PDZRN3: variants seen among roughly 807,000 people sequenced by gnomAD.
The protein encoded by PDZRN3 is E3 ubiquitin-protein ligase PDZRN3.
In PDZRN3, 38 loss-of-function variants were observed where a neutral mutation model predicts 85.7. The ratio of observed to expected loss-of-function variants is 0.44; its 90% CI spans 0.34 to 0.58. PDZRN3 has a LOEUF of 0.58. Among genes scored for constraint, PDZRN3 ranks in the 20% least tolerant of loss-of-function variants. The pLI, the probability that PDZRN3 is intolerant of heterozygous loss-of-function variation, is 0.01. For synonymous variants in PDZRN3, 759 were observed against 638.0 expected (o/e 1.19, Z -2.86); for missense variants, 1,629 against 1,506.4 (o/e 1.08, Z -1.35).
In PDZRN3 at chr3:73,387,962, A is replaced by G; in HGVS notation, c.1518+6T>C. 2 of 1,444,598 alleles carry G rather than the reference A, an allele frequency of 1.4e-6. No individual in the cohort carries two copies. The highest frequency in any genetic ancestry group is 9.6e-7 in the Non-Finnish European group (1 of 1,041,532). 89.5% of individuals were successfully genotyped at this position (1,444,598 alleles called of 1,614,324 possible). A position where few individuals can be genotyped will look rare whatever the true frequency, so the allele number is the denominator to read the frequency against. On this transcript the variant is annotated splice_donor_region_variant and intron_variant, in intron 8 of 9. Coordinates refer to ENST00000263666, the MANE Select transcript of PDZRN3 (RefSeq NM_015009.3). ...ACCCAGTTTCATCTGTAGGAAGCCA[A>G]TTTACCTGGAGTTCAGGCCTTGCAA...
chr3:73,385,000 T>C (rs1399288376), intron 9 of PDZRN3, 70 bp from the exon 10 acceptor site: 18 of 1,515,178 alleles, frequency 1.2e-5, no homozygotes, highest in Non-Finnish European at 1.6e-5. Context: ...GTTTGACCTT[T>C]CCTTGCGGTT....
At chr3:73,478,608 C>G (rs1703503773) in intron 3 of PDZRN3, among the ~76,000 whole-genome samples, 1 of 151,860 alleles carries the variant, frequency 6.6e-6, no homozygotes, top group Non-Finnish European at 1.5e-5. Flanking sequence ...ATGTAAGAGG[C>G]TTGAATCATT....
intron 3 of PDZRN3, among the ~76,000 whole-genome samples, chr3:73,483,802 G>A (rs549655496): frequency 2.0e-5 from 3 of 152,302 alleles, no homozygotes; most frequent in South Asian, 2.1e-4. Context: ...TCTGGCTGAC[G>A]TTTGGGTTGG....
intron 1 of PDZRN3, among the ~76,000 whole-genome samples, chr3:73,613,235 G>A (rs895560049): frequency 1.3e-5 from 2 of 152,256 alleles, no homozygotes; most frequent in East Asian, 1.9e-4. Flanking sequence ...GAAGGAAGAC[G>A]AGGGGAGCAG....
At chr3:73,592,953 C>G (rs1015756745) in intron 3 of PDZRN3, among the ~76,000 whole-genome samples, 1 of 152,114 alleles carries the variant, frequency 6.6e-6, no homozygotes, top group African/African-American at 2.4e-5. Context: ...TTGAAGCGTT[C>G]CCCTAGCGCT....
intron 3 of PDZRN3, among the ~76,000 whole-genome samples, chr3:73,429,332 GA>G (rs1702383758): frequency 6.6e-6 from 1 of 152,192 alleles, no homozygotes; most frequent in Non-Finnish European, 1.5e-5. Context: ...CTACTTGCAG[GA>G]AAATTTTGCC....
intron 3 of PDZRN3, among the ~76,000 whole-genome samples, chr3:73,580,320 T>C (rs1220112274): frequency 6.6e-6 from 1 of 152,178 alleles, no homozygotes; most frequent in Non-Finnish European, 1.5e-5. Context: ...GATCCATAAC[T>C]TTCCTCAGAT....
intron 3 of PDZRN3, among the ~76,000 whole-genome samples, chr3:73,579,183 C>T (rs2106863994): frequency 6.6e-6 from 1 of 152,228 alleles, no homozygotes; most frequent in Admixed American, 6.5e-5. Context: ...AGCTCCCTTG[C>T]CCCTTTCACC....
At chr3:73,616,353 A>G (rs57764732) in intron 1 of PDZRN3, among the ~76,000 whole-genome samples, 313 of 152,342 alleles carry the variant, frequency 2.1e-3, no homozygotes, top group African/African-American at 7.2e-3. Flanking sequence ...CTAAAAAACC[A>G]TAAGTGCACT....
intron 3 of PDZRN3, among the ~76,000 whole-genome samples, chr3:73,538,079 A>C (rs1009004002): frequency 6.6e-6 from 1 of 152,200 alleles, no homozygotes; most frequent in Non-Finnish European, 1.5e-5. Flanking sequence ...CATAGACTCC[A>C]TGGAGCACAT....
At chr3:73,561,085 T>C (rs142078921) in intron 3 of PDZRN3, among the ~76,000 whole-genome samples, 10 of 152,348 alleles carry the variant, frequency 6.6e-5, no homozygotes, top group African/African-American at 2.4e-4. Flanking sequence ...CAATAAACTT[T>C]ACACACATGA....
rs1037375107 is a variant in PDZRN3, at chr3:73,384,592, G to A, written c.1974C>T (p.Ser658=). The A allele has an allele frequency of 3.7e-6, 6 of 1,613,754 alleles. No homozygotes were observed. Among genetic ancestry groups the A allele is most frequent in the African/African-American group, 1.3e-5 (1 of 75,064 alleles). The part of the protein sequence containing the change: ...ELLELKCQVK[S]ATPYGLYYPS... The stretch of plus-strand genomic sequence containing the variant: ...GGTAGTACAGGCCGTAAGGGGTGGC[G>A]CTCTTCACCTGGCACTTGAGCTCCA... Residue 658 remains serine, a synonymous_variant, in exon 10 of 10, where the codon AGC becomes AGT. Transcript: ENST00000263666.
intron 3 of PDZRN3, among the ~76,000 whole-genome samples, chr3:73,574,771 C>A (rs1222368786): frequency 6.6e-6 from 1 of 152,202 alleles, no homozygotes; most frequent in Admixed American, 6.6e-5. Flanking sequence ...GGGCAGAAAC[C>A]AGTATCGACT....
At chr3:73,408,597 G>C (rs970185427) in intron 3 of PDZRN3, among the ~76,000 whole-genome samples, 11 of 151,504 alleles carry the variant, frequency 7.3e-5, no homozygotes, top group Admixed American at 3.3e-4. Flanking sequence ...GAGGGGGGGG[G>C]GTGCAACAGA....
At chr3:73,404,050 C>T (rs2291464) in intron 4 of PDZRN3, 98 bp downstream of exon 4, 710,198 of 1,222,104 alleles carry the variant, frequency 0.58, 209,877 homozygotes, top group East Asian at 0.86. Flanking sequence ...TGGAGGAAAA[C>T]TATAGGGTGC....
chr3:73,409,312 A>C (rs899110451), intron 3 of PDZRN3, among the ~76,000 whole-genome samples: 1 of 152,182 alleles, frequency 6.6e-6, no homozygotes, highest in African/African-American at 2.4e-5. Context: ...TTTGGGCCGG[A>C]ATAACATTGC....
Position 73,526,951 on chromosome 3 carries a change from C to T in PDZRN3, c.918+75403G>A, listed in dbSNP as rs867020746. 5.3e-5 allele frequency among the ~76,000 whole-genome samples: 8 copies of T among 152,208 alleles called. No homozygotes were observed. In the East Asian group the frequency reaches 1.2e-3, roughly 22 times the overall value. On this transcript the variant is annotated intron_variant, in intron 3 of 9. Coordinates refer to ENST00000263666, the MANE Select transcript of PDZRN3 (RefSeq NM_015009.3). ...GCAACCTCCGCCTCCTGGGTTCAAG[C>T]GGCTCTCCTGCCTCAGCCTCCTGGG...
chr3:73,502,332 A>G (rs1411310441), intron 3 of PDZRN3, among the ~76,000 whole-genome samples: 1 of 152,208 alleles, frequency 6.6e-6, no homozygotes. Context: ...GTTGCAGTCA[A>G]AATGATAGGT....
intron 3 of PDZRN3, among the ~76,000 whole-genome samples, chr3:73,442,559 G>A (rs939148229): frequency 1.3e-5 from 2 of 152,174 alleles, no homozygotes; most frequent in African/African-American, 2.4e-5. Flanking sequence ...ACAAATCCTC[G>A]AGGGAGATGT....
Sources: allele counts gnomAD v4.1 joint callset (sites outside exome capture counted in the v4.1 genomes callset), GRCh38; gene constraint gnomAD v4.1.1; transcripts MANE v1.5; gene names NCBI Gene and HGNC (gene_info 2026-07-23, HGNC 2026-07-21).